FAM217B: variants seen among roughly 807,000 people sequenced by gnomAD.
The protein encoded by FAM217B is protein FAM217B.
For missense variants in FAM217B, 463 were observed against 456.9 expected (o/e 1.01, Z -0.12); for synonymous variants, 163 against 173.0 (o/e 0.94, Z 0.45).
In FAM217B at chr20:59,946,012, G is replaced by T. The variant is rs1290082131; in HGVS notation, c.*917G>T. The T allele has an allele frequency of 1.2e-5, 2 of 167,038 alleles. No homozygotes were observed. Among genetic ancestry groups the T allele is most frequent in the Non-Finnish European group, 1.5e-5 (1 of 68,122 alleles). 10.3% of individuals were successfully genotyped at this position (167,038 alleles called of 1,614,324 possible). On this transcript the variant is annotated 3_prime_UTR_variant, in exon 4 of 4. Transcript: ENST00000360816. ...ATCAAAACACATGGACCTACATTCA[G>T]TGTAATAGTTACAAAGTTACTGATT...
upstream of FAM217B, chr20:59,939,157 A>G (rs1478700052): frequency 2.5e-6 from 4 of 1,611,528 alleles, no homozygotes; most frequent in Admixed American, 6.7e-5. Context: ...GCCACTTGGT[A>G]GCGCACCGCG....
chr20:59,939,585 A>C (rs1032205816), upstream of FAM217B: 23 of 1,607,806 alleles, frequency 1.4e-5, no homozygotes, highest in African/African-American at 4.0e-5. Flanking sequence ...GAACACCTTG[A>C]CCTGTGCCAG....
rs1050754580 is a variant in FAM217B, at chr20:59,947,326, G to A, written c.*2231G>A. The A allele has an allele frequency of 6.5e-6, 1 of 155,018 alleles. No individual in the cohort carries two copies. The highest frequency in any genetic ancestry group is 1.5e-5 in the Non-Finnish European group (1 of 68,040). The allele number at this position is 155,018 out of a possible 1,614,324, so 9.6% of individuals were successfully genotyped here. On this transcript the variant is annotated 3_prime_UTR_variant, in exon 4 of 4. Transcript: ENST00000360816. ...GTTCAAGACCAGCCTGACCAACATG[G>A]AGAAACCCTGTCTCCACTAAAAATA... is the stretch of plus-strand genomic sequence containing the variant.
chr20:59,939,667 G>A (rs1248732729), upstream of FAM217B: 8 of 1,476,122 alleles, frequency 5.4e-6, no homozygotes, highest in Non-Finnish European at 7.1e-6. Flanking sequence ...GCAGCGCCCG[G>A]CGCGCCCGCG....
rs1274800548 is a variant in FAM217B, at chr20:59,945,709, T to C, written c.*614T>C. On this transcript the variant is annotated 3_prime_UTR_variant, in exon 4 of 4. Transcript: ENST00000360816. Reference sequence around the variant, plus strand: ...CTAGAGAGACAGTGGAATCTAGTACTTTAATACATTTTCTCTGACATGGTT... The same window carrying C: ...CTAGAGAGACAGTGGAATCTAGTACCTTAATACATTTTCTCTGACATGGTT... 6.0e-6 allele frequency: 1 copy of C among 167,032 alleles called. No homozygotes were observed. The highest frequency in any genetic ancestry group is 2.4e-5 in the African/African-American group (1 of 41,450). The allele number at this position is 167,032 out of a possible 1,614,324, so 10.3% of individuals were successfully genotyped here.
chr20:59,939,261 C>T (rs762776745), upstream of FAM217B: 5 of 1,611,472 alleles, frequency 3.1e-6, no homozygotes, highest in East Asian at 6.7e-5. Context: ...TGCGGGCCCG[C>T]GCCACCGCGC....
chr20:59,943,966 A>G lies in FAM217B; in HGVS notation c.23A>G (p.Asn8Ser). The change falls in exon 4 of 4, where the codon AAT becomes AGT. Residue 8 changes from asparagine to serine, a missense_variant. Asn to Ser is a conservative substitution (Grantham distance 46). Transcript: ENST00000360816. ...AATATGAATGCTGGCCCATCTTGGA[A>G]TAAAGTGCAACATTCAAAGAATTCT... is the stretch of plus-strand genomic sequence containing the variant. The part of the protein sequence containing the change: MNAGPSW[N>S]KVQHSKNSSG... The G allele has an allele frequency of 1.2e-6, 2 of 1,604,892 alleles. No homozygotes were observed. Among genetic ancestry groups the G allele is most frequent in the Non-Finnish European group, 1.7e-6 (2 of 1,176,838 alleles).
At position 59,944,870 on chromosome 20, in the gene FAM217B, C is replaced by T. The variant is rs752368876; in HGVS notation, c.927C>T (p.Ser309=). 1.1e-5 allele frequency: 18 copies of T among 1,613,992 alleles called. No individual in the cohort carries two copies. Among genetic ancestry groups the T allele is most frequent in the African/African-American group, 1.3e-5 (1 of 74,908 alleles). Residue 309 remains serine, a synonymous_variant, in exon 4 of 4, where the codon TCC becomes TCT. Coordinates refer to ENST00000360816, the MANE Select transcript of FAM217B (RefSeq NM_022106.3). ...KSTKLQRWDL[S]GSGSSSKVET... is the part of the protein sequence containing the mutation. ...CGAAGCTGCAGCGCTGGGATCTGTCCGGCAGTGGAAGCAGCTCTAAGGTGG... is the reference window on the plus strand; with the variant it reads ...CGAAGCTGCAGCGCTGGGATCTGTCTGGCAGTGGAAGCAGCTCTAAGGTGG...
At chr20:59,935,497 G>C (rs1212027896), upstream of FAM217B, among the ~76,000 whole-genome samples, 1 of 152,174 alleles carries the variant, frequency 6.6e-6, no homozygotes, top group Non-Finnish European at 1.5e-5. Flanking sequence ...ACTATGTGCC[G>C]TGGTTCACAC....
At chr20:59,939,575 G>T (rs1369980319), upstream of FAM217B, 2 of 1,610,786 alleles carry the variant, frequency 1.2e-6, no homozygotes, top group Non-Finnish European at 1.7e-6. Context: ...CTCCCGCGTT[G>T]AACACCTTGA....
At chr20:59,935,796 G>A (rs766651365), upstream of FAM217B, among the ~76,000 whole-genome samples, 6 of 152,128 alleles carry the variant, frequency 3.9e-5, no homozygotes, top group Admixed American at 2.0e-4. Context: ...ATCATAATGT[G>A]GCGTTCAATT....
upstream of FAM217B, chr20:59,940,230 G>T (rs1463165648): frequency 3.6e-6 from 1 of 274,726 alleles, no homozygotes; most frequent in Non-Finnish European, 7.2e-6. Context: ...TGCTTCCTTG[G>T]AGGTTCTTAC....
In FAM217B at chr20:59,945,024, C is replaced by G; in HGVS notation, c.1081C>G (p.His361Asp). The G allele has an allele frequency of 6.2e-7, 1 of 1,613,928 alleles. No individual in the cohort carries two copies. Among genetic ancestry groups the G allele is most frequent in the Non-Finnish European group, 8.5e-7 (1 of 1,179,934 alleles). The change falls in exon 4 of 4, where the codon CAT (histidine) becomes GAT (aspartate). Residue 361 changes from histidine to aspartate, a missense_variant. His to Asp is a moderately conservative substitution (Grantham distance 81, BLOSUM62 -1). Coordinates refer to ENST00000360816, the MANE Select transcript of FAM217B (RefSeq NM_022106.3). ...RKKGKAESCGHATVSSEKKLK... is the reference protein window; with the variant it reads ...RKKGKAESCGDATVSSEKKLK... The stretch of plus-strand genomic sequence containing the variant: ...AAAGGGAAAGGCAGAGAGCTGTGGT[C>G]ATGCCACTGTATCGAGTGAGAAAAA...
Position 59,942,434 on chromosome 20 carries a change from A to T in FAM217B, c.-83A>T, listed in dbSNP as rs2060910802. The T allele has an allele frequency of 6.6e-6, 1 of 152,166 alleles. No homozygotes were observed. Among genetic ancestry groups the T allele is most frequent in the Admixed American group, 6.5e-5 (1 of 15,276 alleles). The allele number at this position is 152,166 out of a possible 1,614,324, so 9.4% of individuals were successfully genotyped here. A position where few individuals can be genotyped will look rare whatever the true frequency, so the allele number is the denominator to read the frequency against. ...CTGCATCCCTGTTTTTAGACAGTCC[A>T]TCAAACCCGAGATGATGATCAGCCA... On this transcript the variant is annotated 5_prime_UTR_variant, in exon 3 of 4. Transcript: ENST00000360816.
Position 59,944,091 on chromosome 20 carries a change from G to C in FAM217B, c.148G>C (p.Glu50Gln). The C allele has an allele frequency of 6.2e-7, 1 of 1,613,980 alleles. No individual in the cohort carries two copies. Among genetic ancestry groups the C allele is most frequent in the Non-Finnish European group, 8.5e-7 (1 of 1,179,916 alleles). The change falls in exon 4 of 4, where the codon GAA (glutamate) becomes CAA (glutamine). Residue 50 changes from glutamate (E) to glutamine (Q), a missense_variant. Physicochemically the swap from Glu to Gln is conservative, Grantham distance 29. Coordinates refer to ENST00000360816, the MANE Select transcript of FAM217B (RefSeq NM_022106.3). ...VTQPTEEKLK[E>Q]SISPEARRKR... ...CCAGCCTACTGAAGAAAAACTTAAA[G>C]AAAGCATTTCCCCGGAAGCAAGACG...
rs1437981599 is a variant in FAM217B, at chr20:59,940,446, A to C, written c.-292A>C. Reference sequence around the variant, plus strand: ...CCTCCGCCTCCAGCTCCCCTGCCGCAGCGCGCCGCAGCCGGGCGTCCCCGC... The same window carrying C: ...CCTCCGCCTCCAGCTCCCCTGCCGCCGCGCGCCGCAGCCGGGCGTCCCCGC... On this transcript the variant is annotated 5_prime_UTR_variant, in exon 1 of 4. Transcript: ENST00000360816. 1 of 152,132 alleles carries C rather than the reference A, an allele frequency of 6.6e-6. No homozygotes were observed. Among genetic ancestry groups the C allele is most frequent in the Non-Finnish European group, 1.5e-5 (1 of 68,044 alleles). The allele number at this position is 152,132 out of a possible 1,614,324, so 9.4% of individuals were successfully genotyped here.
upstream of FAM217B, chr20:59,940,336 G>C (rs959398188): frequency 1.9e-5 from 3 of 159,580 alleles, no homozygotes; most frequent in African/African-American, 7.2e-5. Context: ...TTCCTAGCGA[G>C]CCTCCGCCCC....
rs374926120 is a variant in FAM217B, at chr20:59,945,377, C to G, written c.*282C>G. 3 of 294,098 alleles carry G rather than the reference C, an allele frequency of 1.0e-5. No individual in the cohort carries two copies. In the East Asian group the frequency reaches 2.7e-4, roughly 27 times the overall value. The allele number at this position is 294,098 out of a possible 1,614,324, so 18.2% of individuals were successfully genotyped here. A position where few individuals can be genotyped will look rare whatever the true frequency, so the allele number is the denominator to read the frequency against. ...CATATAAAGGAATAAAATGGCACCT[C>G]TCCAGGGAAAGTGTCAGTGAAACCT... On this transcript the variant is annotated 3_prime_UTR_variant, in exon 4 of 4. Transcript: ENST00000360816.
At chr20:59,939,351 C>G (rs1450203264), upstream of FAM217B, 1 of 1,610,822 alleles carries the variant, frequency 6.2e-7, no homozygotes, top group South Asian at 1.1e-5. Flanking sequence ...GTTGCACACG[C>G]GCACCGTACC....
Sources: allele counts gnomAD v4.1 joint callset (sites outside exome capture counted in the v4.1 genomes callset), GRCh38; gene constraint gnomAD v4.1.1; transcripts MANE v1.5; gene names NCBI Gene and HGNC (gene_info 2026-07-23, HGNC 2026-07-21).